Variants in RBMS3 observed in about 807,000 individuals in gnomAD.
RBMS3 encodes RNA binding motif single stranded interacting protein 3.
A neutral mutation model predicts 66.8 loss-of-function variants in RBMS3; 27 were observed. The ratio of observed to expected loss-of-function variants is 0.40; its 90% CI spans 0.30 to 0.56. The LOEUF (loss-of-function observed/expected upper bound fraction) is 0.56, where lower values mean the gene tolerates loss of function less well. Among genes scored for constraint, RBMS3 ranks in the 20% least tolerant of loss-of-function variants. The pLI, the probability that RBMS3 is intolerant of heterozygous loss-of-function variation, is 0.40. For missense variants in RBMS3, 513 were observed against 549.5 expected, an observed-to-expected ratio of 0.93 and a Z score of 0.66; for synonymous variants, 188 against 183.0, an observed-to-expected ratio of 1.03 and a Z score of -0.22.
At chr3:29,338,831 A>C (rs1305515729) in intron 1 of RBMS3, among the ~76,000 whole-genome samples, 1 of 152,096 alleles carries the variant, frequency 6.6e-6, no homozygotes, top group Non-Finnish European at 1.5e-5. Flanking sequence ...CCACCGTATC[A>C]GCTATTACTC....
At chr3:29,789,701 T>C (rs1202174715) in intron 6 of RBMS3, among the ~76,000 whole-genome samples, 2 of 152,304 alleles carry the variant, frequency 1.3e-5, no homozygotes, top group African/African-American at 4.8e-5. Context: ...ATAATATTTC[T>C]GGCTTTTTTG....
chr3:29,296,578 C>T (rs148884990), intron 1 of RBMS3, among the ~76,000 whole-genome samples: 3,101 of 151,740 alleles, frequency 0.02, 47 homozygotes, highest in Non-Finnish European at 0.03. Context: ...ATGTTAAGAT[C>T]AGAGCATGAC....
At chr3:29,707,641 T>A (rs2052967030) in intron 4 of RBMS3, among the ~76,000 whole-genome samples, 2 of 152,228 alleles carry the variant, frequency 1.3e-5, no homozygotes, top group Admixed American at 6.5e-5. Context: ...TTTTTGTCTA[T>A]CCTCTCAAAA....
At chr3:29,751,513 A>G (rs1207821808) in intron 5 of RBMS3, among the ~76,000 whole-genome samples, 1 of 152,192 alleles carries the variant, frequency 6.6e-6, no homozygotes, top group African/African-American at 2.4e-5. Flanking sequence ...GACAACTTGA[A>G]CACACACAAA....
chr3:29,370,039 G>A (rs75512470), intron 1 of RBMS3, among the ~76,000 whole-genome samples: 196 of 152,242 alleles, frequency 1.3e-3, no homozygotes, highest in African/African-American at 4.5e-3. Context: ...AAATGACTTC[G>A]TGGTTTTCCT....
At chr3:29,830,555 G>T (rs1407304997) in intron 6 of RBMS3, among the ~76,000 whole-genome samples, 1 of 152,080 alleles carries the variant, frequency 6.6e-6, no homozygotes, top group Admixed American at 6.6e-5. Context: ...TACATAGAAT[G>T]GGTGTGTATG....
In RBMS3 at chr3:29,612,530, C is replaced by A. The variant is rs986129209; in HGVS notation, c.399+25325C>A. 6.6e-5 allele frequency among the ~76,000 whole-genome samples: 10 copies of A among 152,018 alleles called. No individual in the cohort carries two copies. In the South Asian group the frequency reaches 1.0e-3, roughly 16 times the overall value. On this transcript the variant is annotated intron_variant, in intron 4 of 14. Transcript: ENST00000383767. ...GTAGGATAAATGCATAGAGGTGGGT[C>A]TAAGGGAATATGCCTTTACATTATT...
chr3:29,817,006 G>A (rs1026509004), intron 6 of RBMS3, among the ~76,000 whole-genome samples: 8 of 151,972 alleles, frequency 5.3e-5, no homozygotes, highest in South Asian at 2.1e-4. Context: ...CAAGAGAATC[G>A]CTTGAACCCT....
chr3:29,457,126 C>A (rs2125772270), intron 2 of RBMS3, among the ~76,000 whole-genome samples: 1 of 152,274 alleles, frequency 6.6e-6, no homozygotes, highest in Non-Finnish European at 1.5e-5. Context: ...TTGACTCACT[C>A]AAATCAGTAA....
intron 3 of RBMS3, among the ~76,000 whole-genome samples, chr3:29,499,303 A>G (rs2043875405): frequency 6.6e-6 from 1 of 152,188 alleles, no homozygotes; most frequent in Non-Finnish European, 1.5e-5. Context: ...TTGATTCTAA[A>G]TAGCTATTCT....
chr3:29,312,840 A>G (rs2034462596), intron 1 of RBMS3, among the ~76,000 whole-genome samples: 1 of 151,658 alleles, frequency 6.6e-6, no homozygotes, highest in Non-Finnish European at 1.5e-5. Flanking sequence ...GACTTTAGAT[A>G]ATCCCAAGAT....
At chr3:29,773,310 G>A (rs2056288827) in intron 6 of RBMS3, among the ~76,000 whole-genome samples, 1 of 151,980 alleles carries the variant, frequency 6.6e-6, no homozygotes, top group Non-Finnish European at 1.5e-5. Context: ...TGGTGAATAT[G>A]CATACTTATT....
At chr3:29,989,687 G>A (rs999590311) in intron 13 of RBMS3, among the ~76,000 whole-genome samples, 1 of 152,236 alleles carries the variant, frequency 6.6e-6, no homozygotes, top group African/African-American at 2.4e-5. Context: ...GAGTTCCAAT[G>A]TTTAAATCTT....
At chr3:29,990,853 A>G (rs1167069233) in intron 13 of RBMS3, among the ~76,000 whole-genome samples, 2 of 152,162 alleles carry the variant, frequency 1.3e-5, no homozygotes, top group Non-Finnish European at 2.9e-5. Flanking sequence ...TGACCACTTA[A>G]CTACTCCAAC....
At chr3:29,743,830 G>C (rs182272277) in intron 5 of RBMS3, among the ~76,000 whole-genome samples, 306 of 149,930 alleles carry the variant, frequency 2.0e-3, no homozygotes, top group Middle Eastern at 6.9e-3. Context: ...GTGCCATGTT[G>C]GTATGCTGCA....
intron 1 of RBMS3, among the ~76,000 whole-genome samples, chr3:29,354,137 T>C (rs2037081997): frequency 6.6e-6 from 1 of 152,140 alleles, no homozygotes; most frequent in Admixed American, 6.6e-5. Flanking sequence ...TTACTATTTA[T>C]TGATTAATTG....
intron 3 of RBMS3, among the ~76,000 whole-genome samples, chr3:29,530,057 T>G (rs2045289130): frequency 2.0e-5 from 3 of 152,178 alleles, no homozygotes; most frequent in Non-Finnish European, 4.4e-5. Flanking sequence ...AGATTTGCAT[T>G]CCCTCTGCTA....
Position 29,312,628 on chromosome 3 carries a change from A to G in RBMS3, c.75+30872A>G, listed in dbSNP as rs144462788. ...TCTCTCCTTGTCTTTGTGTATCTAT[A>G]TGTCTCTGTCTATGTCTGTCCCTTT... On this transcript the variant is annotated intron_variant, in intron 1 of 14. Transcript: ENST00000383767. Among the ~76,000 whole-genome samples, 929 of 150,716 alleles carry G rather than the reference A, an allele frequency of 6.2e-3. 12 individuals are homozygous for G. Among genetic ancestry groups the G allele is most frequent in the African/African-American group, 0.022 (897 of 41,180 alleles).
chr3:29,322,870 C>T (rs1372704818), intron 1 of RBMS3, among the ~76,000 whole-genome samples: 5 of 152,190 alleles, frequency 3.3e-5, no homozygotes, highest in East Asian at 1.9e-4. Flanking sequence ...ATGGAGAATT[C>T]GAAGGGCTGC....
Sources: gnomAD v4.1 joint callset for allele counts (sites outside exome capture counted in the v4.1 genomes callset) on GRCh38, gnomAD v4.1.1 for gene constraint, MANE v1.5 for transcripts, NCBI Gene and HGNC (gene_info 2026-07-23, HGNC 2026-07-21) for gene names.